CCDC77: variants seen among roughly 807,000 people sequenced by gnomAD.
CCDC77 encodes the protein coiled-coil domain-containing protein 77.
A neutral mutation model predicts 66.8 loss-of-function variants in CCDC77; 56 were observed. That is an observed-to-expected ratio of 0.84 (90% CI 0.68 to 1.05). The LOEUF (loss-of-function observed/expected upper bound fraction) is 1.05. Ranked by LOEUF, CCDC77 falls within the 50% of genes least tolerant of loss-of-function variation. The pLI is 0.00. For synonymous variants in CCDC77, 196 were observed against 195.2 expected, an observed-to-expected ratio of 1.00 and a Z score of -0.03; for missense variants, 570 against 576.8, an observed-to-expected ratio of 0.99 and a Z score of 0.12.
chr12:416,363 GTGTGTGTGTGTGTGTATATA>G (rs1259870591), intron 4 of CCDC77, among the ~76,000 whole-genome samples: 7,013 of 42,738 alleles, frequency 0.16, 373 homozygotes, highest in Non-Finnish European at 0.23. Flanking sequence ...GTGTGTGTGT[GTGTGTGTGTGTGTGTATATA>G]TATATATATA....
chr12:418,865 A>G (rs996447493), intron 5 of CCDC77: 1 of 437,852 alleles, frequency 2.3e-6, no homozygotes. Context: ...GGCCTAGCTC[A>G]TTTTTGTATT....
chr12:429,880 C>A (rs1182387931), intron 6 of CCDC77, among the ~76,000 whole-genome samples: 1 of 152,228 alleles, frequency 6.6e-6, no homozygotes, highest in East Asian at 1.9e-4. Flanking sequence ...CTGTAGCCAG[C>A]CTTCCAAGTA....
chr12:427,984 G>A (rs1565574213), intron 5 of CCDC77, among the ~76,000 whole-genome samples: 1 of 152,130 alleles, frequency 6.6e-6, no homozygotes, highest in Non-Finnish European at 1.5e-5. Flanking sequence ...GAGATATCCT[G>A]AACTGAGCAA....
upstream of CCDC77, among the ~76,000 whole-genome samples, chr12:401,404 G>C (rs1944891423): frequency 6.6e-6 from 1 of 152,256 alleles, no homozygotes; most frequent in Non-Finnish European, 1.5e-5. Context: ...CCCGTCCCTG[G>C]AGGAGCGGGT....
Position 413,803 on chromosome 12 carries a change from A to C in CCDC77, c.270+1825A>C, listed in dbSNP as rs1945166240. 3.4e-5 allele frequency among the ~76,000 whole-genome samples: 5 copies of C among 148,570 alleles called. No individual in the cohort carries two copies. In the South Asian group the frequency reaches 1.1e-3, roughly 31 times the overall value. On this transcript the variant is annotated intron_variant, in intron 4 of 12. Coordinates refer to ENST00000239830, the MANE Select transcript of CCDC77 (RefSeq NM_032358.4). ...CCACCACACCTGGCTAATTTTTTGT[A>C]TTTTAGTAGAGGCAGGGTTTCACTG...
chr12:430,155 G>C (rs912876853), intron 6 of CCDC77, among the ~76,000 whole-genome samples: 2 of 151,944 alleles, frequency 1.3e-5, no homozygotes, highest in Non-Finnish European at 2.9e-5. Context: ...CACCACGCCT[G>C]GCTAATTTTG....
intron 9 of CCDC77, chr12:433,612 T>A: frequency 2.9e-6 from 1 of 347,722 alleles, no homozygotes; most frequent in Non-Finnish European, 4.5e-6. Flanking sequence ...CTCACGCCTG[T>A]AATCGCTCCT....
rs1299723335 is a variant in CCDC77, at chr12:416,342, GGGGTGTGTGTGTGTGTGT to G, written c.271-2150_271-2133del. Among the ~76,000 whole-genome samples the G allele has an allele frequency of 7.8e-4, 27 of 34,644 alleles. 3 individuals carry two copies. In the South Asian group the frequency reaches 0.026, roughly 34 times the overall value. The allele number at this position is 34,644 out of a possible 152,430, so 22.7% of individuals were successfully genotyped here. A position where few individuals can be genotyped will look rare whatever the true frequency, so the allele number is the denominator to read the frequency against. ...GTGTGTGTGAGTCTGTGGGTGTGTGGGGGTGTGTGTGTGTGTGTGTGTGTGTGTGTGTGTGTATATATA... is the reference window on the plus strand; with the variant it reads ...GTGTGTGTGAGTCTGTGGGTGTGTGGGTGTGTGTGTGTGTGTGTATATATA... On this transcript the variant is annotated intron_variant, in intron 4 of 12. Transcript: ENST00000239830.
intron 5 of CCDC77, among the ~76,000 whole-genome samples, chr12:425,057 A>G (rs879510723): frequency 4.6e-5 from 7 of 151,362 alleles, no homozygotes; most frequent in Non-Finnish European, 1.0e-4. Flanking sequence ...CATCCTTCCA[A>G]GTAGCTGGGA....
At chr12:433,623 G>T in intron 9 of CCDC77, 2 of 303,434 alleles carry the variant, frequency 6.6e-6, no homozygotes, top group Non-Finnish European at 1.1e-5. Context: ...AATCGCTCCT[G>T]CCTGGGTGAC....
intron 5 of CCDC77, among the ~76,000 whole-genome samples, chr12:422,122 A>G (rs1945407706): frequency 4.4e-5 from 3 of 68,340 alleles, no homozygotes; most frequent in African/African-American, 5.7e-5. Flanking sequence ...AGAGGGTAAA[A>G]TACACATAGC....
At chr12:405,943 G>A (rs550727565) in intron 2 of CCDC77, among the ~76,000 whole-genome samples, 73 of 149,998 alleles carry the variant, frequency 4.9e-4, no homozygotes, top group African/African-American at 1.7e-3. Context: ...TTTTAAGAGA[G>A]GGTCTCACTC....
At chr12:441,094 T>C (rs1026730133) in intron 12 of CCDC77, 98 bp downstream of exon 12, 33 of 1,271,790 alleles carry the variant, frequency 2.6e-5, no homozygotes, top group South Asian at 1.4e-4. Flanking sequence ...GCTGTTTCCC[T>C]GCTGGTAAAC....
chr12:439,173 G>A (rs1945813698), intron 10 of CCDC77, among the ~76,000 whole-genome samples: 1 of 152,136 alleles, frequency 6.6e-6, no homozygotes, highest in African/African-American at 2.4e-5. Context: ...CCCTCATGGT[G>A]TTTACATTTT....
At chr12:406,450 AG>A (rs2137538490) in intron 2 of CCDC77, among the ~76,000 whole-genome samples, 1 of 152,364 alleles carries the variant, frequency 6.6e-6, no homozygotes, top group East Asian at 1.9e-4. Context: ...TTTTTACCGC[AG>A]TGAACAAGGA....
chr12:392,477 C>A (rs756809436), intron 1 of CCDC77, among the ~76,000 whole-genome samples: 2 of 152,130 alleles, frequency 1.3e-5, no homozygotes, highest in Non-Finnish European at 2.9e-5. Context: ...GGCACGGTGG[C>A]TCATACCTGT....
At position 441,973 on chromosome 12, in the gene CCDC77, T is replaced by C; in HGVS notation, c.*53T>C. 1 of 1,592,566 alleles carries C rather than the reference T, an allele frequency of 6.3e-7. No homozygotes were observed. Among genetic ancestry groups the C allele is most frequent in the Non-Finnish European group, 8.6e-7 (1 of 1,162,806 alleles). On this transcript the variant is annotated 3_prime_UTR_variant, in exon 13 of 13. Coordinates refer to ENST00000239830, the MANE Select transcript of CCDC77 (RefSeq NM_032358.4). ...TAGAAGAGGTGTGCTTCTTGAAACC[T>C]GAGGACAAGGTCATCTGCTGCCAGA...
At position 439,286 on chromosome 12, in the gene CCDC77, A is replaced by G. The variant is rs1019419775; in HGVS notation, c.1041+732A>G. Among the ~76,000 whole-genome samples, 6 of 151,884 alleles carry G rather than the reference A, an allele frequency of 4.0e-5. No individual in the cohort carries two copies. In the East Asian group the frequency reaches 9.8e-4, roughly 25 times the overall value. ...TGTAATCCCAGCACTTTGGGAGGCC[A>G]AGGCGGGTGGATCACCTGAGGTCAG... On this transcript the variant is annotated intron_variant, in intron 10 of 12. Coordinates refer to ENST00000239830, the MANE Select transcript of CCDC77 (RefSeq NM_032358.4).
chr12:427,131 G>C (rs1479433837), intron 5 of CCDC77, among the ~76,000 whole-genome samples: 3 of 152,058 alleles, frequency 2.0e-5, no homozygotes, highest in Admixed American at 6.6e-5. Context: ...TGTAGTCCCA[G>C]CTACTCGGGA....
Sources: gnomAD v4.1 joint callset for allele counts (sites outside exome capture counted in the v4.1 genomes callset) on GRCh38, gnomAD v4.1.1 for gene constraint, MANE v1.5 for transcripts, NCBI Gene and HGNC (gene_info 2026-07-23, HGNC 2026-07-21) for gene names.